CACNA1A: variants seen among roughly 807,000 people sequenced by gnomAD.
The protein encoded by CACNA1A is calcium voltage-gated channel subunit alpha1 A.
CACNA1A carries 57 observed loss-of-function variants against 262.4 expected under a neutral mutation model. That is an observed-to-expected ratio of 0.22 (90% confidence interval 0.18 to 0.27). The LOEUF (loss-of-function observed/expected upper bound fraction) is 0.27, where lower values mean the gene tolerates loss of function less well. Ranked by LOEUF, CACNA1A falls within the 10% of genes least tolerant of loss-of-function variation. The pLI is 1.00. For synonymous variants in CACNA1A, 1,431 were observed against 1,419.3 expected (o/e 1.01, Z -0.18); for missense variants, 2,526 against 3,562.8 (o/e 0.71, Z 7.41).
chr19:13,370,295 T>C (rs1215193299), intron 4 of CACNA1A, among the ~76,000 whole-genome samples: 1 of 152,052 alleles, frequency 6.6e-6, no homozygotes, highest in African/African-American at 2.4e-5. Context: ...GAGACGGGGT[T>C]TCCCCATTTT....
chr19:13,214,277 G>C lies in CACNA1A; in HGVS notation c.5896C>G (p.Arg1966Gly). ...TGCAGCTTCTTGGCCTTGCTCTGCCGGTAGTACTCCATGATCATCATGGCT... is the reference window on the plus strand; with the variant it reads ...TGCAGCTTCTTGGCCTTGCTCTGCCCGTAGTACTCCATGATCATCATGGCT... ...YAAMMIMEYY[R>G]QSKAKKLQAM... The change falls in exon 40 of 47, where the codon CGG becomes GGG. Residue 1966 changes from arginine to glycine, a missense_variant. Physicochemically the swap from Arg to Gly is moderately radical, Grantham distance 125. Around this residue, in one of 17 missense-constraint regions of CACNA1A, gnomAD observed 112 missense variants for 197.2 expected, o/e 0.57. Transcript: ENST00000360228. The surrounding 1 kb of genome is among the most constrained non-coding windows in gnomAD (Gnocchi z 4.1). 1 of 1,612,076 alleles carries C rather than the reference G, an allele frequency of 6.2e-7. No homozygotes were observed. Among genetic ancestry groups the C allele is most frequent in the African/African-American group, 1.3e-5 (1 of 75,052 alleles).
intron 3 of CACNA1A, among the ~76,000 whole-genome samples, chr19:13,447,429 C>T (rs2060836307): frequency 6.6e-6 from 1 of 152,122 alleles, no homozygotes. Flanking sequence ...TGAATGACTG[C>T]CTTCAGTTTA....
At chr19:13,325,198 T>TC (rs1229589762) in intron 10 of CACNA1A, among the ~76,000 whole-genome samples, 28 of 144,478 alleles carry the variant, frequency 1.9e-4, no homozygotes, top group African/African-American at 5.5e-4. Flanking sequence ...TTCTTCTTCT[T>TC]TTTTTTTTTT....
chr19:13,354,197 G>A (rs983357680), intron 6 of CACNA1A, among the ~76,000 whole-genome samples: 9 of 152,150 alleles, frequency 5.9e-5, no homozygotes, highest in African/African-American at 9.7e-5. Flanking sequence ...AAGCCTCTGC[G>A]GTACACCTGT....
At chr19:13,346,444 T>A (rs2145188419) in intron 6 of CACNA1A, among the ~76,000 whole-genome samples, 1 of 145,592 alleles carries the variant, frequency 6.9e-6, no homozygotes, top group Non-Finnish European at 1.5e-5. Flanking sequence ...AACTATCCTC[T>A]CCTGCCTCAG....
chr19:13,243,745 G>A (rs748910950), intron 31 of CACNA1A: 2 of 152,184 alleles, frequency 1.3e-5, no homozygotes, highest in Non-Finnish European at 2.9e-5. Flanking sequence ...TGTCAGTAGA[G>A]ATGGGGTTTC....
Position 13,275,862 on chromosome 19 carries a change from G to C in CACNA1A, c.3977C>G (p.Ala1326Gly). 6.2e-7 allele frequency: 1 copy of C among 1,612,604 alleles called. No individual in the cohort carries two copies. The highest frequency in any genetic ancestry group is 8.5e-7 in the Non-Finnish European group (1 of 1,178,644). Residue 1326 changes from alanine to glycine, a missense_variant, in exon 24 of 47, where the codon GCC becomes GGC. This residue lies in a region of CACNA1A where 137 missense variants were observed against 377.7 expected (regional missense o/e 0.36). Transcript: ENST00000360228. ...CGAGGAGACTTACGTGAAGGCAAAG[G>C]CTACCAGGGCCCCACTGACCACTAT... ...DFIVVSGALV[A>G]FAFTGNSKGK...
chr19:13,389,700 G>A (rs929493498), intron 3 of CACNA1A, among the ~76,000 whole-genome samples: 6 of 152,030 alleles, frequency 3.9e-5, no homozygotes, highest in African/African-American at 1.4e-4. Flanking sequence ...TCCCTGATCC[G>A]CCTGTTCACA....
intron 26 of CACNA1A, chr19:13,260,254 C>CAT (rs956975006): frequency 4.0e-5 from 6 of 151,284 alleles, no homozygotes; most frequent in Admixed American, 2.0e-4. Flanking sequence ...TATACACATA[C>CAT]ATATATATAC....
At chr19:13,313,566 T>C (rs1043606705) in intron 11 of CACNA1A, among the ~76,000 whole-genome samples, 4 of 149,578 alleles carry the variant, frequency 2.7e-5, no homozygotes, top group Admixed American at 1.3e-4. Flanking sequence ...TAACCAACCT[T>C]AGGCCGATTT....
intron 3 of CACNA1A, among the ~76,000 whole-genome samples, chr19:13,402,481 A>AC (rs1359734701): frequency 6.6e-6 from 1 of 151,978 alleles, no homozygotes; most frequent in Non-Finnish European, 1.5e-5. Context: ...ACAAATCTCC[A>AC]CTGAAGAACT....
At chr19:13,294,487 C>CAT (rs1555754927) in intron 19 of CACNA1A, among the ~76,000 whole-genome samples, 1 of 72,556 alleles carries the variant, frequency 1.4e-5, no homozygotes, top group African/African-American at 6.5e-5. Flanking sequence ...CTGTACCTGG[C>CAT]TTTTTTTTTT....
At chr19:13,443,181 A>C (rs1373085806) in intron 3 of CACNA1A, among the ~76,000 whole-genome samples, 1 of 152,144 alleles carries the variant, frequency 6.6e-6, no homozygotes, top group African/African-American at 2.4e-5. Flanking sequence ...TAAGAAATAA[A>C]TTGCTTTTTC....
At chr19:13,328,739 GT>G (rs1456709804) in intron 10 of CACNA1A, among the ~76,000 whole-genome samples, 1 of 152,068 alleles carries the variant, frequency 6.6e-6, no homozygotes, top group Admixed American at 6.6e-5. Context: ...ACAAACCATA[GT>G]GTATCCACCC....
At chr19:13,283,637 C>G in intron 21 of CACNA1A, 2 of 439,688 alleles carry the variant, frequency 4.5e-6, no homozygotes, top group Non-Finnish European at 8.3e-6. Context: ...GTTCCTATCA[C>G]TCCCAAACGA....
In CACNA1A at chr19:13,257,551, C is replaced by T. The variant is rs777602427; in HGVS notation, c.4389G>A (p.Gln1463=). 6.4e-7 allele frequency: 1 copy of T among 1,570,494 alleles called. No individual in the cohort carries two copies. The highest frequency in any genetic ancestry group is 1.2e-5 in the South Asian group (1 of 86,196). ...FTVSTGEGWP[Q]VLKHSVDATF... ...TGGCGTCCACCGAATGCTTGAGGAC[C>T]CTGCAAGGAATGGGGCAGGGAGAGG... Residue 1463 remains glutamine, a splice_region_variant and synonymous_variant, in exon 28 of 47, where the codon CAG becomes CAA. Transcript: ENST00000360228.
In CACNA1A at chr19:13,235,256, G is replaced by T; in HGVS notation, c.5086C>A (p.Leu1696Met). Reference protein sequence around the residue: ...QSFKALPYVCLLIAMLFFIYA... With the variant: ...QSFKALPYVCMLIAMLFFIYA... Reference sequence around the variant, plus strand: ...ATGAAGAAGAGCATGGCGATCAGCAGACAGACATAAGGCAGGGCCTGGTGG... The same window carrying T: ...ATGAAGAAGAGCATGGCGATCAGCATACAGACATAAGGCAGGGCCTGGTGG... Residue 1696 changes from leucine to methionine, a missense_variant, in exon 33 of 47, where the codon CTG becomes ATG. This residue lies in a region of CACNA1A where 66 missense variants were observed against 195.8 expected (regional missense o/e 0.34). Transcript: ENST00000360228. The T allele has an allele frequency of 6.3e-7, 1 of 1,597,892 alleles. No individual in the cohort carries two copies. Among genetic ancestry groups the T allele is most frequent in the East Asian group, 2.3e-5 (1 of 44,138 alleles).
chr19:13,444,596 G>C lies in CACNA1A; in HGVS notation c.539+8280C>G, dbSNP rs149943667. 1.5e-3 allele frequency among the ~76,000 whole-genome samples: 232 copies of C among 152,274 alleles called. 6 individuals are homozygous for C. The highest frequency in any genetic ancestry group is 5.4e-3 in the South Asian group (26 of 4,820). On this transcript the variant is annotated intron_variant, in intron 3 of 46. Coordinates refer to ENST00000360228, the MANE Select transcript of CACNA1A (RefSeq NM_001127222.2). ...ATCCCTTTCTTATTCTCTGGAAAGA[G>C]GCCATAGGCTAGTCAGGGGGCAAGA...
At chr19:13,371,608 T>G in intron 4 of CACNA1A, 80 bp downstream of exon 4, 3 of 1,029,090 alleles carry the variant, frequency 2.9e-6, no homozygotes, top group Non-Finnish European at 4.4e-6. Context: ...TGTGGCCTCC[T>G]GAGATGCTCT....
Sources: gnomAD v4.1 joint callset for allele counts (sites outside exome capture counted in the v4.1 genomes callset) on GRCh38, gnomAD v4.1.1 for gene constraint, gnomAD v4.1.1 regional missense constraint, Gnocchi (gnomAD v3.1) non-coding constraint, MANE v1.5 for transcripts, NCBI Gene and HGNC (gene_info 2026-07-23, HGNC 2026-07-21) for gene names.